The following THAP8 variants were observed in gnomAD, a reference collection of about 807,000 sequenced individuals.
THAP8 encodes the protein THAP domain-containing protein 8.
A neutral mutation model predicts 25.0 loss-of-function variants in THAP8; 24 were observed. The observed-to-expected ratio is 0.96, with a 90% CI of 0.69 to 1.35. The LOEUF (loss-of-function observed/expected upper bound fraction) is 1.35, where lower values mean the gene tolerates loss of function less well. Ranked by LOEUF, THAP8 falls within the 40% of genes most tolerant of loss-of-function variation. THAP8 has a pLI of 0.00. For synonymous variants in THAP8, 169 were observed against 157.6 expected, an observed-to-expected ratio of 1.07 and a Z score of -0.54; for missense variants, 399 against 368.8, an observed-to-expected ratio of 1.08 and a Z score of -0.67.
chr19:36,043,421 C>T (rs1969769768), intron 1 of THAP8, among the ~76,000 whole-genome samples: 2 of 151,916 alleles, frequency 1.3e-5, no homozygotes, highest in Non-Finnish European at 2.9e-5. Flanking sequence ...GGGAATTGTC[C>T]AATGGGGATA....
chr19:36,037,253 C>G (rs1488789412), intron 3 of THAP8, among the ~76,000 whole-genome samples: 2 of 76,656 alleles, frequency 2.6e-5, no homozygotes, highest in Admixed American at 2.5e-4. Context: ...TACACACACA[C>G]ACACACACAC....
intron 1 of THAP8, among the ~76,000 whole-genome samples, chr19:36,042,546 G>A (rs561064773): frequency 3.3e-5 from 5 of 152,154 alleles, no homozygotes; most frequent in Non-Finnish European, 2.9e-5. Flanking sequence ...TGGGAGGACT[G>A]CTTGAGCCCA....
chr19:36,036,940 C>CA (rs10522467), intron 3 of THAP8, among the ~76,000 whole-genome samples: 47,153 of 111,950 alleles, frequency 0.42, 9,755 homozygotes, highest in Middle Eastern at 0.58. Flanking sequence ...GACTCCTTCT[C>CA]AAAAAAAAAA....
intron 3 of THAP8, among the ~76,000 whole-genome samples, chr19:36,037,855 G>A (rs1424688689): frequency 6.6e-6 from 1 of 152,026 alleles, no homozygotes; most frequent in Non-Finnish European, 1.5e-5. Context: ...GGCCAGGCTG[G>A]TCTCGAACTC....
chr19:36,040,134 A>T lies in THAP8; in HGVS notation c.86T>A (p.Phe29Tyr), dbSNP rs768064386. Residue 29 changes from phenylalanine to tyrosine, a missense_variant and splice_region_variant, in exon 2 of 4, where the codon TTC (phenylalanine) becomes TAC (tyrosine). Phe to Tyr is a conservative substitution (Grantham distance 22). Coordinates refer to ENST00000292894, the MANE Select transcript of THAP8 (RefSeq NM_152658.3). ...CAGCCGGGGACCATCCTTCAGTGGGAACCTGCATGGGTGGTTGGGGGGCTG... is the reference window on the plus strand; with the variant it reads ...CAGCCGGGGACCATCCTTCAGTGGGTACCTGCATGGGTGGTTGGGGGGCTG... The part of the protein sequence containing the change: ...ADNRPVSFYK[F>Y]PLKDGPRLQA... The T allele has an allele frequency of 2.5e-6, 4 of 1,604,756 alleles. No individual in the cohort carries two copies. Among genetic ancestry groups the T allele is most frequent in the Non-Finnish European group, 3.4e-6 (4 of 1,175,332 alleles).
chr19:36,036,567 G>A lies in THAP8; in HGVS notation c.673-975C>T, dbSNP rs114095015. Among the ~76,000 whole-genome samples the A allele has an allele frequency of 7.9e-3, 1,204 of 152,070 alleles. 18 individuals are homozygous for A. The highest frequency in any genetic ancestry group is 0.028 in the African/African-American group (1,156 of 41,464). ...TTACAGGTGTGAGCCACTGCACTCG[G>A]CCATTATAAATTATTTTAAAGCACT... On this transcript the variant is annotated intron_variant, in intron 3 of 3. Transcript: ENST00000292894.
intron 1 of THAP8, among the ~76,000 whole-genome samples, chr19:36,048,869 A>AAAAAC (rs1555790111): frequency 3.3e-5 from 5 of 150,746 alleles, no homozygotes; most frequent in South Asian, 2.1e-4. Flanking sequence ...AAAAAACAAA[A>AAAAAC]AACACCTTTG....
intron 1 of THAP8, among the ~76,000 whole-genome samples, chr19:36,045,146 G>A (rs146535388): frequency 0.072 from 10,936 of 152,014 alleles, 449 homozygotes; most frequent in South Asian, 0.094. Flanking sequence ...GGAGTGCAGC[G>A]GCGCAATCTC....
upstream of THAP8, chr19:36,054,605 G>A (rs1179574334): frequency 5.5e-6 from 3 of 540,748 alleles, no homozygotes; most frequent in Non-Finnish European, 1.0e-5. Context: ...CCGTTGGGGC[G>A]CACATAGTTC....
upstream of THAP8, chr19:36,054,326 G>T: frequency 7.7e-7 from 1 of 1,298,460 alleles, no homozygotes; most frequent in Non-Finnish European, 1.1e-6. Context: ...CTCACGTGAC[G>T]TCCGTGGAGT....
chr19:36,042,592 C>T (rs1186543993), intron 1 of THAP8, among the ~76,000 whole-genome samples: 1 of 152,230 alleles, frequency 6.6e-6, no homozygotes, highest in African/African-American at 2.4e-5. Context: ...GATCACATTA[C>T]TGCACTCTAG....
chr19:36,048,910 T>A (rs1335358678), intron 1 of THAP8, among the ~76,000 whole-genome samples: 1 of 151,330 alleles, frequency 6.6e-6, no homozygotes, highest in African/African-American at 2.4e-5. Flanking sequence ...TTGAGAAGTT[T>A]GTTTGTGCAG....
chr19:36,038,404 T>G (rs7257026), intron 3 of THAP8, among the ~76,000 whole-genome samples: 102,605 of 151,794 alleles, frequency 0.68, 35,220 homozygotes, highest in East Asian at 0.79. Context: ...TGGGACCACA[T>G]GTGCCCACCA....
intron 1 of THAP8, among the ~76,000 whole-genome samples, chr19:36,041,269 G>A (rs1050251632): frequency 1.3e-5 from 2 of 150,794 alleles, no homozygotes; most frequent in African/African-American, 2.4e-5. Flanking sequence ...CCGAGATTGC[G>A]CAACTGTACT....
rs985863197 is a variant in THAP8 at position 36,054,238 on chromosome 19, G to C, written c.-21C>G. On this transcript the variant is annotated 5_prime_UTR_variant, in exon 1 of 4. Coordinates refer to ENST00000292894, the MANE Select transcript of THAP8 (RefSeq NM_152658.3). ...GGCATGGCTATCCAGCCCCCGCTGA[G>C]TTTTGCCGGGTCAGCGGCTGCACTT... 3 of 1,610,540 alleles carry C rather than the reference G, an allele frequency of 1.9e-6. No individual in the cohort carries two copies. The highest frequency in any genetic ancestry group is 3.4e-5 in the Admixed American group (2 of 59,638).
At chr19:36,038,408 CCCA>C (rs1568549501) in intron 3 of THAP8, among the ~76,000 whole-genome samples, 3 of 151,944 alleles carry the variant, frequency 2.0e-5, no homozygotes, top group African/African-American at 7.3e-5. Context: ...ACCACATGTG[CCCA>C]CCACAATGCT....
intron 1 of THAP8, among the ~76,000 whole-genome samples, chr19:36,052,340 G>T (rs867637250): frequency 6.6e-6 from 1 of 152,198 alleles, no homozygotes; most frequent in Non-Finnish European, 1.5e-5. Context: ...ACTGTGCCTG[G>T]CCAGTTGCCC....
At position 36,054,251 on chromosome 19, in the gene THAP8, A is replaced by G; in HGVS notation, c.-34T>C. On this transcript the variant is annotated 5_prime_UTR_variant, in exon 1 of 4. Transcript: ENST00000292894. ...AGCCCCCGCTGAGTTTTGCCGGGTC[A>G]GCGGCTGCACTTTGGTTCTCGCGGA... 1 of 1,604,746 alleles carries G rather than the reference A, an allele frequency of 6.2e-7. No homozygotes were observed. The highest frequency in any genetic ancestry group is 1.1e-5 in the South Asian group (1 of 89,670).
Position 36,035,175 on chromosome 19 carries a change from G to C in THAP8, c.*265C>G, listed in dbSNP as rs1969385178. 1 of 405,418 alleles carries C rather than the reference G, an allele frequency of 2.5e-6. No homozygotes were observed. Among genetic ancestry groups the C allele is most frequent in the South Asian group, 4.8e-5 (1 of 20,714 alleles). The allele number at this position is 405,418 out of a possible 1,614,324, so 25.1% of individuals were successfully genotyped here. On this transcript the variant is annotated 3_prime_UTR_variant, in exon 4 of 4. Transcript: ENST00000292894. ...TCCCAAACAACCCTTGCTCTGCTCT[G>C]AGGCTGTCGTACTGATTTGCAAAGA...
Sources: gnomAD v4.1 joint callset for allele counts (sites outside exome capture counted in the v4.1 genomes callset) on GRCh38, gnomAD v4.1.1 for gene constraint, MANE v1.5 for transcripts, NCBI Gene and HGNC (gene_info 2026-07-23, HGNC 2026-07-21) for gene names.